SND1: variants seen among roughly 807,000 people sequenced by gnomAD.
The protein encoded by SND1 is staphylococcal nuclease domain-containing protein 1.
Under a neutral mutation model 121.7 loss-of-function variants are expected in SND1, and 38 were observed. That is an observed-to-expected ratio of 0.31 (90% CI 0.24 to 0.41). The LOEUF (loss-of-function observed/expected upper bound fraction) is 0.41, where lower values mean the gene tolerates loss of function less well. Ranked by LOEUF, SND1 falls within the 10% of genes least tolerant of loss-of-function variation. The pLI, the probability that SND1 is intolerant of heterozygous loss-of-function variation, is 1.00. For missense variants in SND1, 868 were observed against 1,184.6 expected, an observed-to-expected ratio of 0.73 and a Z score of 3.92; for synonymous variants, 401 against 447.4, an observed-to-expected ratio of 0.90 and a Z score of 1.31.
intron 10 of SND1, among the ~76,000 whole-genome samples, chr7:127,743,783 A>G (rs1045842493): frequency 1.3e-5 from 2 of 152,188 alleles, no homozygotes; most frequent in East Asian, 1.9e-4. Context: ...ATGTACGCCT[A>G]TCAGGCTTGG....
chr7:128,029,455 A>G lies in SND1; in HGVS notation c.1779+38399A>G. Reference sequence around the variant, plus strand: ...AGGACAGAGATCCTTGGGTGGCGGGAGGCGTGGCTGAGCACTGTCCCATTG... The same window carrying G: ...AGGACAGAGATCCTTGGGTGGCGGGGGGCGTGGCTGAGCACTGTCCCATTG... On this transcript the variant is annotated intron_variant, in intron 16 of 23. Transcript: ENST00000354725. This position sits in a 1 kb window ranked among gnomAD's most constrained non-coding sequence, Gnocchi z 4.2. 1 of 1,614,170 alleles carries G rather than the reference A, an allele frequency of 6.2e-7. No homozygotes were observed. The highest frequency in any genetic ancestry group is 8.5e-7 in the Non-Finnish European group (1 of 1,180,026).
rs1562967998 is a variant in SND1 at position 127,652,462 on chromosome 7, GC to G, written c.78+15del. The G allele has an allele frequency of 1.9e-6, 3 of 1,563,454 alleles. No homozygotes were observed. Among genetic ancestry groups the G allele is most frequent in the South Asian group, 2.3e-5 (2 of 85,178 alleles). ...GGCATCATCAAGATGGTGAGAACGG[GC>G]CCCGGACACCGACCCCTCTGCCTGC... On this transcript the variant is annotated intron_variant, in intron 1 of 23. Transcript: ENST00000354725.
chr7:128,034,899 G>C (rs1792719498), intron 16 of SND1, among the ~76,000 whole-genome samples: 2 of 152,202 alleles, frequency 1.3e-5, no homozygotes, highest in African/African-American at 4.8e-5. Context: ...ATGGCATCTT[G>C]CTCCTCACAG....
chr7:127,914,268 C>CTCAGTTGACTGACTCGGACT (rs1800521504), intron 14 of SND1, among the ~76,000 whole-genome samples: 1 of 152,180 alleles, frequency 6.6e-6, no homozygotes, highest in Non-Finnish European at 1.5e-5. Flanking sequence ...ACTTAAGGTC[C>CTCAGTTGACTGACTCGGACT]TCAGTTGACT....
At chr7:127,986,656 G>A (rs757685471) in intron 15 of SND1, among the ~76,000 whole-genome samples, 3 of 152,176 alleles carry the variant, frequency 2.0e-5, no homozygotes, top group Non-Finnish European at 2.9e-5. Flanking sequence ...ATCCCAGAAA[G>A]TCTAGAAAAG....
intron 12 of SND1, among the ~76,000 whole-genome samples, chr7:127,886,065 A>G (rs1403881333): frequency 6.6e-6 from 1 of 151,838 alleles, no homozygotes; most frequent in African/African-American, 2.4e-5. Flanking sequence ...GCCAAACACA[A>G]CTCTGTGATA....
intron 16 of SND1, among the ~76,000 whole-genome samples, chr7:128,057,053 A>T (rs1023994638): frequency 1.3e-4 from 20 of 152,166 alleles, no homozygotes; most frequent in African/African-American, 3.4e-4. Context: ...CCCAGGCAGG[A>T]GGGCAAGAGG....
At chr7:127,838,486 A>G (rs1270709895) in intron 11 of SND1, among the ~76,000 whole-genome samples, 1 of 152,240 alleles carries the variant, frequency 6.6e-6, no homozygotes. Context: ...GGCAAGAAGT[A>G]TCCTGCCCCA....
intron 16 of SND1, among the ~76,000 whole-genome samples, chr7:127,994,149 C>G (rs1183025015): frequency 6.6e-6 from 1 of 152,168 alleles, no homozygotes; most frequent in Non-Finnish European, 1.5e-5. Context: ...TCTTTTATCT[C>G]CGTTTTCAGG....
chr7:127,775,030 C>T (rs1401134503), intron 10 of SND1, among the ~76,000 whole-genome samples: 1 of 152,178 alleles, frequency 6.6e-6, no homozygotes, highest in Admixed American at 6.5e-5. Context: ...TTAGAATGGG[C>T]CCTAAATCCA....
chr7:128,026,322 T>C (rs913308326), intron 16 of SND1, among the ~76,000 whole-genome samples: 2 of 152,202 alleles, frequency 1.3e-5, no homozygotes, highest in African/African-American at 4.8e-5. Flanking sequence ...TGTGTGCCCA[T>C]ACATATGTGC....
rs73465842 is a variant in SND1 at position 127,879,920 on chromosome 7, C to T, written c.1344-7982C>T. 4.3e-3 allele frequency among the ~76,000 whole-genome samples: 648 copies of T among 152,302 alleles called. 2 individuals carry two copies. Among genetic ancestry groups the T allele is most frequent in the African/African-American group, 0.014 (576 of 41,562 alleles). On this transcript the variant is annotated intron_variant, in intron 12 of 23. Transcript: ENST00000354725. ...AATATGTAATAAATATATGTGTGTGCATGCATGCAGGCATCTGCATGAGAT... is the reference window on the plus strand; with the variant it reads ...AATATGTAATAAATATATGTGTGTGTATGCATGCAGGCATCTGCATGAGAT...
chr7:128,057,334 A>G (rs938093265), intron 16 of SND1, among the ~76,000 whole-genome samples: 1 of 152,196 alleles, frequency 6.6e-6, no homozygotes, highest in African/African-American at 2.4e-5. Flanking sequence ...TTCCAGTGAG[A>G]GATTCAAATG....
chr7:127,838,072 C>T (rs62481416), intron 11 of SND1, among the ~76,000 whole-genome samples: 43,195 of 151,904 alleles, frequency 0.28, 7,715 homozygotes, highest in East Asian at 0.7. Flanking sequence ...AGCAGGGGTA[C>T]GAGCCTGAGT....
Position 128,029,905 on chromosome 7 carries a change from T to G in SND1, c.1779+38849T>G. 6.2e-7 allele frequency: 1 copy of G among 1,613,202 alleles called. No homozygotes were observed. The highest frequency in any genetic ancestry group is 8.5e-7 in the Non-Finnish European group (1 of 1,180,020). On this transcript the variant is annotated intron_variant, in intron 16 of 23. Coordinates refer to ENST00000354725, the MANE Select transcript of SND1 (RefSeq NM_014390.4). The surrounding 1 kb of genome is among the most constrained non-coding windows in gnomAD (Gnocchi z 4.2). The stretch of plus-strand genomic sequence containing the variant: ...ACCTGTGAGTTCATGACCCAGAGCT[T>G]CTTGAGGGAGCTCAGGCCATGGAAG...
chr7:127,766,802 T>A (rs866093951), intron 10 of SND1, among the ~76,000 whole-genome samples: 2,782 of 54,468 alleles, frequency 0.051, no homozygotes, highest in East Asian at 0.078. Context: ...AAAAAAAAAA[T>A]AGTTTTTTTC....
chr7:128,051,145 T>C (rs1165944281), intron 16 of SND1, among the ~76,000 whole-genome samples: 1 of 152,186 alleles, frequency 6.6e-6, no homozygotes. Flanking sequence ...GCAGGAGTTT[T>C]CCTCCTGGAC....
chr7:127,752,811 T>C (rs1797123649), intron 10 of SND1, among the ~76,000 whole-genome samples: 1 of 152,220 alleles, frequency 6.6e-6, no homozygotes, highest in Non-Finnish European at 1.5e-5. Context: ...GTTCTTTTGA[T>C]TTTCTTTCAA....
At chr7:127,743,773 A>G (rs919622412) in intron 10 of SND1, among the ~76,000 whole-genome samples, 2 of 152,178 alleles carry the variant, frequency 1.3e-5, no homozygotes, top group African/African-American at 2.4e-5. Context: ...GGCTTAAACT[A>G]TGTACGCCTA....
Sources: allele counts gnomAD v4.1 joint callset (sites outside exome capture counted in the v4.1 genomes callset), GRCh38; gene constraint gnomAD v4.1.1; non-coding constraint Gnocchi (gnomAD v3.1); transcripts MANE v1.5; gene names NCBI Gene and HGNC (gene_info 2026-07-23, HGNC 2026-07-21).